Variants in CASZ1 observed in about 807,000 individuals in gnomAD.
CASZ1 encodes zinc finger protein castor homolog 1.
Under a neutral mutation model 135.2 loss-of-function variants are expected in CASZ1, and 28 were observed. The ratio of observed to expected loss-of-function variants is 0.21; its 90% CI spans 0.15 to 0.28. CASZ1 has a LOEUF of 0.28. Among genes scored for constraint, CASZ1 ranks in the 10% least tolerant of loss-of-function variants. CASZ1 has a pLI of 1.00. For missense variants in CASZ1, 2,161 were observed against 2,453.3 expected, an observed-to-expected ratio of 0.88 and a Z score of 2.52; for synonymous variants, 1,068 against 1,073.4, an observed-to-expected ratio of 0.99 and a Z score of 0.10.
At chr1:10,783,742 C>A (rs6678491) in intron 1 of CASZ1, among the ~76,000 whole-genome samples, 1 of 151,802 alleles carries the variant, frequency 6.6e-6, no homozygotes, top group Admixed American at 6.6e-5. Context: ...CGTGGTGACG[C>A]ACGCCTGTAA....
At chr1:10,780,150 C>T (rs544867066) in intron 1 of CASZ1, among the ~76,000 whole-genome samples, 10 of 152,244 alleles carry the variant, frequency 6.6e-5, no homozygotes, top group African/African-American at 2.2e-4. Flanking sequence ...CCCACGACAA[C>T]GCTCTGCTCT....
At chr1:10,665,669 C>T (rs1322758732) in intron 4 of CASZ1, 98 bp from the exon 5 acceptor site, 2 of 1,342,808 alleles carry the variant, frequency 1.5e-6, no homozygotes, top group Non-Finnish European at 2.0e-6. Flanking sequence ...TGCAGGCCTC[C>T]CCCATTGACC....
intron 4 of CASZ1, among the ~76,000 whole-genome samples, chr1:10,671,934 A>T (rs992802928): frequency 6.6e-6 from 1 of 152,178 alleles, no homozygotes; most frequent in African/African-American, 2.4e-5. Context: ...CACAGCCTGG[A>T]CTGCCCTGGA....
chr1:10,654,717 C>A, intron 9 of CASZ1, 126 bp from the exon 10 acceptor site: 1 of 854,560 alleles, frequency 1.2e-6, no homozygotes, highest in Non-Finnish European at 1.9e-6. Flanking sequence ...CCTCTGACTT[C>A]AAACTGGAGG....
intron 2 of CASZ1, among the ~76,000 whole-genome samples, chr1:10,733,600 G>C (rs995277280): frequency 1.3e-5 from 2 of 152,162 alleles, no homozygotes; most frequent in South Asian, 2.1e-4. Flanking sequence ...ACTCAGGGAC[G>C]GGCACTGAGA....
intron 4 of CASZ1, among the ~76,000 whole-genome samples, chr1:10,688,009 G>A (rs912418474): frequency 1.3e-5 from 2 of 152,206 alleles, no homozygotes; most frequent in African/African-American, 4.8e-5. Flanking sequence ...GGAGGCACTT[G>A]GGGAAGAGGC....
intron 1 of CASZ1, among the ~76,000 whole-genome samples, chr1:10,795,330 C>T (rs899710760): frequency 6.6e-6 from 1 of 152,186 alleles, no homozygotes; most frequent in Non-Finnish European, 1.5e-5. Context: ...GTTCCCTGCG[C>T]CCCCACAAAC....
rs563756818 is a variant in CASZ1, at chr1:10,711,063, A to C, written c.-76-5519T>G. Among the ~76,000 whole-genome samples, 26 of 152,326 alleles carry C rather than the reference A, an allele frequency of 1.7e-4. No homozygotes were observed. The highest frequency in any genetic ancestry group is 6.3e-4 in the African/African-American group (26 of 41,586). ...TGAGAATCATTTGAACCCGGGAGGC[A>C]GAGGTTGCAGTGAGCTGAGATCATG... On this transcript the variant is annotated intron_variant, in intron 2 of 20. Coordinates refer to ENST00000377022, the MANE Select transcript of CASZ1 (RefSeq NM_001079843.3). The surrounding 1 kb of genome is among the most constrained non-coding windows in gnomAD (Gnocchi z 4.4).
intron 4 of CASZ1, among the ~76,000 whole-genome samples, chr1:10,687,421 G>C (rs1021615438): frequency 6.6e-6 from 1 of 152,232 alleles, no homozygotes; most frequent in Non-Finnish European, 1.5e-5. Flanking sequence ...AGGGCCAGAG[G>C]AGACCCCAGA....
At chr1:10,661,560 C>T (rs1643027194) in intron 5 of CASZ1, among the ~76,000 whole-genome samples, 1 of 148,024 alleles carries the variant, frequency 6.8e-6, no homozygotes, top group Non-Finnish European at 1.5e-5. Context: ...CGATCACATA[C>T]AACACACACA....
chr1:10,745,935 C>T (rs1640031981), intron 2 of CASZ1, among the ~76,000 whole-genome samples: 1 of 152,188 alleles, frequency 6.6e-6, no homozygotes, highest in African/African-American at 2.4e-5. Context: ...GCCTGGTGGC[C>T]GTGGTGCTGG....
chr1:10,766,540 G>A (rs1333327488), intron 1 of CASZ1, among the ~76,000 whole-genome samples: 2 of 152,204 alleles, frequency 1.3e-5, no homozygotes, highest in Non-Finnish European at 1.5e-5. Context: ...AGCCTCAGGT[G>A]CTTCTGGCCG....
At chr1:10,664,963 T>A (rs1349734823) in intron 5 of CASZ1, 120 bp downstream of exon 5, 1 of 1,178,946 alleles carries the variant, frequency 8.5e-7, no homozygotes, top group Non-Finnish European at 1.1e-6. Flanking sequence ...CTGGGTGGGA[T>A]GAGGGGCCGG....
At chr1:10,702,225 T>A (rs184541330) in intron 3 of CASZ1, among the ~76,000 whole-genome samples, 3 of 152,120 alleles carry the variant, frequency 2.0e-5, no homozygotes, top group Admixed American at 1.3e-4. Flanking sequence ...TTCATCACCC[T>A]CTTGCCTTGG....
intron 2 of CASZ1, among the ~76,000 whole-genome samples, chr1:10,730,822 T>C (rs1250011926): frequency 6.6e-6 from 1 of 152,188 alleles, no homozygotes; most frequent in South Asian, 2.1e-4. Flanking sequence ...AAAAACATCA[T>C]ATAGGCTGGG....
In CASZ1 at chr1:10,639,854, G is replaced by A; in HGVS notation, c.4368C>T (p.His1456=). The A allele has an allele frequency of 1.2e-6, 2 of 1,612,172 alleles. No homozygotes were observed. Residue 1456 remains histidine, a synonymous_variant, in exon 21 of 21, where the codon CAC becomes CAT. Coordinates refer to ENST00000377022, the MANE Select transcript of CASZ1 (RefSeq NM_001079843.3). This position sits in a 1 kb window ranked among gnomAD's most constrained non-coding sequence, Gnocchi z 4.0. Reference sequence around the variant, plus strand: ...CGCAGTTCTCGCGCGTGCAGTGGTAGTGGGTGACCTTGAGCGAGAACTGAC... The same window carrying A: ...CGCAGTTCTCGCGCGTGCAGTGGTAATGGGTGACCTTGAGCGAGAACTGAC... ...AACQFSLKVT[H]YHCTRENCGY...
rs939536737 is a variant in CASZ1 at position 10,679,145 on chromosome 1, G to C, written c.17-13574C>G. 1.3e-5 allele frequency among the ~76,000 whole-genome samples: 2 copies of C among 152,198 alleles called. No homozygotes were observed. Among genetic ancestry groups the C allele is most frequent in the Admixed American group, 1.3e-4 (2 of 15,288 alleles). ...GCTGCCCCGACTTCCCAGGATTCAC[G>C]AGGGGACTGCAGGGCTGGCACAGAG... On this transcript the variant is annotated intron_variant, in intron 4 of 20. Coordinates refer to ENST00000377022, the MANE Select transcript of CASZ1 (RefSeq NM_001079843.3). The surrounding 1 kb of genome is among the most constrained non-coding windows in gnomAD (Gnocchi z 4.7).
chr1:10,769,602 T>C (rs1442419208), intron 1 of CASZ1, among the ~76,000 whole-genome samples: 1 of 151,860 alleles, frequency 6.6e-6, no homozygotes, highest in East Asian at 1.9e-4. Context: ...CTGCAACCTC[T>C]GTTCCCCGGG....
intron 2 of CASZ1, among the ~76,000 whole-genome samples, chr1:10,748,380 T>C (rs953690789): frequency 2.0e-5 from 3 of 152,096 alleles, no homozygotes; most frequent in African/African-American, 4.8e-5. Context: ...AAATTAGGAG[T>C]GGGCCTAACA....
Sources: allele counts gnomAD v4.1 joint callset (sites outside exome capture counted in the v4.1 genomes callset), GRCh38; gene constraint gnomAD v4.1.1; non-coding constraint Gnocchi (gnomAD v3.1); transcripts MANE v1.5; gene names NCBI Gene and HGNC (gene_info 2026-07-23, HGNC 2026-07-21).